Variants in BCR observed in about 807,000 individuals in gnomAD.
BCR encodes breakpoint cluster region protein.
In BCR, 58 loss-of-function variants were observed where a neutral mutation model predicts 138.6. That is an observed-to-expected ratio of 0.42 (90% CI 0.34 to 0.52). BCR has a LOEUF of 0.52. Among genes scored for constraint, BCR ranks in the 20% least tolerant of loss-of-function variants. The pLI is 0.06. For missense variants in BCR, 1,599 were observed against 1,727.2 expected (o/e 0.93, Z 1.32); for synonymous variants, 786 against 730.1 (o/e 1.08, Z -1.23).
intron 2 of BCR, among the ~76,000 whole-genome samples, chr22:23,255,620 C>G (rs1050498104): frequency 3.9e-5 from 6 of 152,334 alleles, no homozygotes; most frequent in Non-Finnish European, 7.3e-5. Context: ...GATGCAGTTC[C>G]TGGCCCCGAA....
intron 1 of BCR, among the ~76,000 whole-genome samples, chr22:23,248,609 G>A (rs2073183279): frequency 6.6e-6 from 1 of 152,104 alleles, no homozygotes; most frequent in Non-Finnish European, 1.5e-5. Flanking sequence ...GGGTTGGGTT[G>A]CTAAGCAAAC....
intron 1 of BCR, among the ~76,000 whole-genome samples, chr22:23,187,597 G>C (rs567690692): frequency 6.6e-6 from 1 of 151,382 alleles, no homozygotes; most frequent in African/African-American, 2.4e-5. Flanking sequence ...GCCTCCCAAA[G>C]TGCTGGAATT....
chr22:23,299,416 C>T (rs1259038683), intron 16 of BCR, among the ~76,000 whole-genome samples: 2 of 152,172 alleles, frequency 1.3e-5, no homozygotes, highest in Non-Finnish European at 2.9e-5. Flanking sequence ...GCTGTGTGGA[C>T]GAGACCTACA....
chr22:23,222,340 G>T (rs759130341), intron 1 of BCR, among the ~76,000 whole-genome samples: 1 of 152,210 alleles, frequency 6.6e-6, no homozygotes, highest in South Asian at 2.1e-4. Context: ...AAAACTGTCT[G>T]ATTCCGGCCG....
chr22:23,215,951 C>G (rs1225096560), intron 1 of BCR, among the ~76,000 whole-genome samples: 1 of 152,180 alleles, frequency 6.6e-6, no homozygotes, highest in Non-Finnish European at 1.5e-5. Context: ...TCTAGAATTA[C>G]CACGTTCCCT....
rs926332027 is a variant in BCR, at chr22:23,315,593, G to GC, written c.*72dup. The GC allele has an allele frequency of 1.2e-5, 18 of 1,461,746 alleles. No homozygotes were observed. The African/African-American group carries it at 2.2e-4, about 18-fold the overall frequency. 90.5% of individuals were successfully genotyped at this position (1,461,746 alleles called of 1,614,324 possible). On this transcript the variant is annotated 3_prime_UTR_variant, in exon 23 of 23. Transcript: ENST00000305877. ...TCTGGCTAATCGGGCCATCCGTAGA[G>GC]CGGGAACCTTCCTGAGGTGTCCTTG...
chr22:23,274,536 CAG>C (rs1224769070), intron 8 of BCR, among the ~76,000 whole-genome samples: 3 of 152,166 alleles, frequency 2.0e-5, no homozygotes, highest in Non-Finnish European at 2.9e-5. Context: ...CCCCCGGCCT[CAG>C]GGGTCTCATG....
rs936420139 is a variant in BCR, at chr22:23,274,387, G to A, written c.2115+613G>A. Among the ~76,000 whole-genome samples the A allele has an allele frequency of 3.3e-5, 5 of 152,332 alleles. No individual in the cohort carries two copies. The East Asian group carries it at 9.7e-4, about 29-fold the overall frequency. On this transcript the variant is annotated intron_variant, in intron 8 of 22. Transcript: ENST00000305877. Reference sequence around the variant, plus strand: ...TGTGCCGCTCTGAGCCTTCCTAGGTGTGGCCTGGCACATAATGAGGCAGAT... The same window carrying A: ...TGTGCCGCTCTGAGCCTTCCTAGGTATGGCCTGGCACATAATGAGGCAGAT...
At position 23,198,253 on chromosome 22, in the gene BCR, G is replaced by A. The variant is rs146174900; in HGVS notation, c.1279+16014G>A. The A allele has an allele frequency of 2.1e-3, 955 of 445,646 alleles. 13 individuals are homozygous for A. The highest frequency in any genetic ancestry group is 0.018 in the African/African-American group (861 of 47,830). 27.6% of individuals were successfully genotyped at this position (445,646 alleles called of 1,614,324 possible). ...GGGTGGGGATTCAGGATTAGGGTCC[G>A]AGTGCTCCCCGAGTGTCCACCGTCG... On this transcript the variant is annotated intron_variant, in intron 1 of 22. Coordinates refer to ENST00000305877, the MANE Select transcript of BCR (RefSeq NM_004327.4).
At chr22:23,224,872 A>G (rs949827514) in intron 1 of BCR, among the ~76,000 whole-genome samples, 5 of 151,602 alleles carry the variant, frequency 3.3e-5, no homozygotes, top group African/African-American at 9.7e-5. Context: ...ACAGAGCAAG[A>G]CTCCATCCCC....
intron 8 of BCR, among the ~76,000 whole-genome samples, chr22:23,275,368 G>C (rs5759673): frequency 0.09 from 13,659 of 152,314 alleles, 791 homozygotes; most frequent in African/African-American, 0.15. Flanking sequence ...CTTTGCAGCA[G>C]GGTGGGAACA....
At chr22:23,182,260 G>C (rs887433747) in intron 1 of BCR, 21 bp downstream of exon 1, 1 of 1,531,264 alleles carries the variant, frequency 6.5e-7, no homozygotes, top group African/African-American at 1.4e-5. Context: ...CACGCCACGT[G>C]CGTGGGCACA....
At position 23,194,407 on chromosome 22, in the gene BCR, T is replaced by TTTTTTTC. The variant is rs1422398156; in HGVS notation, c.1279+12172_1279+12178dup. Among the ~76,000 whole-genome samples the TTTTTTTC allele has an allele frequency of 1.1e-4, 17 of 151,348 alleles. No homozygotes were observed. In the East Asian group the frequency reaches 3.1e-3, roughly 28 times the overall value. On this transcript the variant is annotated intron_variant, in intron 1 of 22. Coordinates refer to ENST00000305877, the MANE Select transcript of BCR (RefSeq NM_004327.4). Reference sequence around the variant, plus strand: ...TGGGTCTCCATTTTTTTTTTCTTTTTTTTTTTCTTTCTTTTTTCTTTGAGA... The same window carrying TTTTTTTC: ...TGGGTCTCCATTTTTTTTTTCTTTTTTTTTTTCTTTTTTCTTTCTTTTTTCTTTGAGA...
chr22:23,282,647 G>A (rs1183131234), intron 8 of BCR, among the ~76,000 whole-genome samples: 1 of 152,164 alleles, frequency 6.6e-6, no homozygotes, highest in African/African-American at 2.4e-5. Context: ...AAGGTGCCTG[G>A]TCTGGCCCCA....
intron 1 of BCR, among the ~76,000 whole-genome samples, chr22:23,183,141 CTGTGCTAGA>C (rs2072292822): frequency 6.6e-6 from 1 of 152,202 alleles, no homozygotes. Context: ...CGCCTAACTT[CTGTGCTAGA>C]TGCAAATACC....
chr22:23,182,298 G>T, intron 1 of BCR, 59 bp downstream of exon 1: 3 of 1,456,490 alleles, frequency 2.1e-6, no homozygotes, highest in Non-Finnish European at 9.1e-7. Context: ...AACCATAGAC[G>T]AGTAGGGGAT....
intron 1 of BCR, among the ~76,000 whole-genome samples, chr22:23,241,429 G>C (rs572979010): frequency 6.6e-6 from 1 of 152,264 alleles, no homozygotes; most frequent in South Asian, 2.1e-4. Context: ...CATCCTGGCT[G>C]AGCACCTTTG....
rs2073875432 is a variant in BCR, at chr22:23,298,983, C to G, written c.3012+3828C>G. 3.3e-5 allele frequency among the ~76,000 whole-genome samples: 5 copies of G among 152,230 alleles called. No individual in the cohort carries two copies. In the South Asian group the frequency reaches 1.0e-3, roughly 32 times the overall value. The stretch of plus-strand genomic sequence containing the variant: ...CCTGCTGCAACAGACCCCCTGGGGC[C>G]TGCCCCTCTCCAAGGCTGTTTTTTG... On this transcript the variant is annotated intron_variant, in intron 16 of 22. Coordinates refer to ENST00000305877, the MANE Select transcript of BCR (RefSeq NM_004327.4).
chr22:23,228,792 T>C (rs188238601), intron 1 of BCR, among the ~76,000 whole-genome samples: 1 of 152,324 alleles, frequency 6.6e-6, no homozygotes, highest in East Asian at 1.9e-4. Flanking sequence ...CTTTTTTCTT[T>C]AACTTTGGTT....
Sources: gnomAD v4.1 joint callset for allele counts (sites outside exome capture counted in the v4.1 genomes callset) on GRCh38, gnomAD v4.1.1 for gene constraint, MANE v1.5 for transcripts, NCBI Gene and HGNC (gene_info 2026-07-23, HGNC 2026-07-21) for gene names.